The following VAV3 variants were observed in gnomAD, a reference collection of about 807,000 sequenced individuals.
VAV3 encodes the protein guanine nucleotide exchange factor VAV3.
VAV3 carries 94 observed loss-of-function variants against 131.2 expected under a neutral mutation model. That is an observed-to-expected ratio of 0.72 (90% CI 0.61 to 0.85). The LOEUF (loss-of-function observed/expected upper bound fraction) is 0.85, where lower values mean the gene tolerates loss of function less well. Ranked by LOEUF, VAV3 falls within the 40% of genes least tolerant of loss-of-function variation. The pLI is 0.00. For missense variants in VAV3, 939 were observed against 1,002.7 expected, an observed-to-expected ratio of 0.94 and a Z score of 0.86; for synonymous variants, 349 against 342.0, an observed-to-expected ratio of 1.02 and a Z score of -0.22.
intron 1 of VAV3, chr1:107,964,407 T>G (rs1675310707): frequency 2.4e-6 from 1 of 411,834 alleles, no homozygotes; most frequent in African/African-American, 2.0e-5. Context: ...AACTTATTTC[T>G]TTCCCGCCTC....
chr1:107,748,360 G>A (rs755834438), intron 15 of VAV3, among the ~76,000 whole-genome samples: 1 of 152,074 alleles, frequency 6.6e-6, no homozygotes, highest in Admixed American at 6.5e-5. Context: ...TGGTTATTAC[G>A]TCTCAGAATG....
At chr1:107,960,433 G>T (rs1375989607) in intron 1 of VAV3, among the ~76,000 whole-genome samples, 2 of 151,502 alleles carry the variant, frequency 1.3e-5, no homozygotes, top group Non-Finnish European at 2.9e-5. Context: ...GCCACTGCAC[G>T]CCAACTTGGG....
chr1:107,747,690 C>T (rs1663439733), intron 15 of VAV3, among the ~76,000 whole-genome samples: 1 of 152,096 alleles, frequency 6.6e-6, no homozygotes, highest in Non-Finnish European at 1.5e-5. Flanking sequence ...AATATCATTC[C>T]TATTTTACAG....
intron 15 of VAV3, among the ~76,000 whole-genome samples, chr1:107,716,892 A>G (rs1285769420): frequency 6.6e-6 from 1 of 152,138 alleles, no homozygotes; most frequent in East Asian, 1.9e-4. Context: ...TTGGTAAGCT[A>G]TTAATTATTG....
At chr1:107,768,645 A>G in intron 6 of VAV3, 136 bp from the exon 7 acceptor site, 2 of 575,478 alleles carry the variant, frequency 3.5e-6, no homozygotes, top group East Asian at 3.1e-5. Flanking sequence ...AATTGTAGAA[A>G]CTATTTTCTC....
chr1:107,922,020 C>A (rs936899619), intron 1 of VAV3, among the ~76,000 whole-genome samples: 2 of 152,188 alleles, frequency 1.3e-5, no homozygotes, highest in South Asian at 2.1e-4. Flanking sequence ...ACACTAAGTT[C>A]TTCTGAGGAA....
At chr1:107,746,740 A>C (rs1371053841) in intron 15 of VAV3, among the ~76,000 whole-genome samples, 1 of 152,196 alleles carries the variant, frequency 6.6e-6, no homozygotes, top group Non-Finnish European at 1.5e-5. Flanking sequence ...TTCTACAAGG[A>C]ATCCATAAAA....
chr1:107,793,053 C>T (rs774772682), intron 2 of VAV3, among the ~76,000 whole-genome samples: 6 of 152,124 alleles, frequency 3.9e-5, no homozygotes, highest in Non-Finnish European at 7.4e-5. Context: ...ATATGTTATA[C>T]ATATGCATGC....
At chr1:107,884,400 AATTATTT>A (rs1400266414) in intron 1 of VAV3, among the ~76,000 whole-genome samples, 2 of 130,930 alleles carry the variant, frequency 1.5e-5, no homozygotes, top group Admixed American at 8.6e-5. Context: ...ATTAAAAATA[AATTATTT>A]ATTATTATTA....
intron 2 of VAV3, among the ~76,000 whole-genome samples, chr1:107,804,703 TG>T (rs986485903): frequency 1.3e-5 from 2 of 152,204 alleles, no homozygotes; most frequent in Non-Finnish European, 2.9e-5. Flanking sequence ...TAAAGTATTC[TG>T]GGGCTGTATC....
At chr1:107,715,643 T>A (rs10494073) in intron 15 of VAV3, among the ~76,000 whole-genome samples, 7 of 152,158 alleles carry the variant, frequency 4.6e-5, no homozygotes, top group South Asian at 2.1e-4. Flanking sequence ...ACTATCTTGC[T>A]TTACTTCAAT....
intron 1 of VAV3, among the ~76,000 whole-genome samples, chr1:107,925,214 T>C (rs1006045672): frequency 2.0e-4 from 30 of 152,152 alleles, no homozygotes; most frequent in Non-Finnish European, 4.4e-5. Flanking sequence ...AGAAGTACCT[T>C]TGAGGCCTGA....
chr1:107,819,950 G>C (rs138565406), intron 2 of VAV3, among the ~76,000 whole-genome samples: 1 of 152,082 alleles, frequency 6.6e-6, no homozygotes, highest in East Asian at 1.9e-4. Flanking sequence ...TCCAAAGACA[G>C]GCAGTAACAA....
In VAV3 at chr1:107,846,054, G is replaced by C. The variant is rs141413384; in HGVS notation, c.321+28847C>G. Among the ~76,000 whole-genome samples the C allele has an allele frequency of 3.5e-3, 540 of 152,270 alleles. 4 individuals carry two copies. The highest frequency in any genetic ancestry group is 0.012 in the African/African-American group (515 of 41,554). The stretch of plus-strand genomic sequence containing the variant: ...ATGTTAAGGGCAGTCAGAGAGAAAG[G>C]TCAGGTTACCCACAAAGGGAAGCCC... On this transcript the variant is annotated intron_variant, in intron 2 of 26. Transcript: ENST00000370056.
At chr1:107,922,823 G>A (rs1341785972) in intron 1 of VAV3, among the ~76,000 whole-genome samples, 1 of 151,942 alleles carries the variant, frequency 6.6e-6, no homozygotes, top group Non-Finnish European at 1.5e-5. Flanking sequence ...GTGGTGGCGG[G>A]CGCCTGTAGT....
At chr1:107,832,047 T>C (rs1445881056) in intron 2 of VAV3, among the ~76,000 whole-genome samples, 1 of 151,658 alleles carries the variant, frequency 6.6e-6, no homozygotes, top group Non-Finnish European at 1.5e-5. Context: ...GAGCATGAGC[T>C]TGGAAGCAAA....
intron 2 of VAV3, among the ~76,000 whole-genome samples, chr1:107,829,222 A>G (rs1020485039): frequency 2.0e-5 from 3 of 152,204 alleles, no homozygotes; most frequent in African/African-American, 7.2e-5. Flanking sequence ...AGGGGATGAT[A>G]GTGCTGCTTA....
rs959326115 is a variant in VAV3, at chr1:107,965,090, C to T, written c.-221G>A. The T allele has an allele frequency of 3.8e-5, 6 of 158,840 alleles. No individual in the cohort carries two copies. The highest frequency in any genetic ancestry group is 6.6e-5 in the Non-Finnish European group (5 of 76,274). The allele number at this position is 158,840 out of a possible 1,614,324, so 9.8% of individuals were successfully genotyped here. On this transcript the variant is annotated 5_prime_UTR_variant, in exon 1 of 27. Coordinates refer to ENST00000370056, the MANE Select transcript of VAV3 (RefSeq NM_006113.5). ...GTGCGCCGCGACCCGGCCGCCGCTGCAGCGAGTCCCGCGCGCTCTCCGTGC... is the reference window on the plus strand; with the variant it reads ...GTGCGCCGCGACCCGGCCGCCGCTGTAGCGAGTCCCGCGCGCTCTCCGTGC...
chr1:107,630,348 A>AGGATGGGAGGATGGATGGATGGAT (rs1553178103), intron 20 of VAV3, among the ~76,000 whole-genome samples: 17 of 150,794 alleles, frequency 1.1e-4, no homozygotes, highest in African/African-American at 3.9e-4. Flanking sequence ...AATGGATGGG[A>AGGATGGGAGGATGGATGGATGGAT]GGATGGATGG....
Sources: gnomAD v4.1 joint callset for allele counts (sites outside exome capture counted in the v4.1 genomes callset) on GRCh38, gnomAD v4.1.1 for gene constraint, MANE v1.5 for transcripts, NCBI Gene and HGNC (gene_info 2026-07-23, HGNC 2026-07-21) for gene names.